PCCB: variants seen among roughly 807,000 people sequenced by gnomAD.
The protein encoded by PCCB is propionyl-CoA carboxylase subunit beta, also known as propionyl-CoA carboxylase beta chain, mitochondrial.
PCCB carries 43 observed loss-of-function variants against 60.7 expected under a neutral mutation model. The observed-to-expected ratio is 0.71, with a 90% CI of 0.55 to 0.91. The LOEUF is 0.91. Ranked by LOEUF, PCCB falls within the 40% of genes least tolerant of loss-of-function variation. The pLI is 0.00. For synonymous variants in PCCB, 276 were observed against 255.9 expected, an observed-to-expected ratio of 1.08 and a Z score of -0.75; for missense variants, 766 against 702.8, an observed-to-expected ratio of 1.09 and a Z score of -1.02.
intron 8 of PCCB, 44 bp from the exon 9 acceptor site, chr3:136,300,986 G>A (rs1934251181): frequency 6.9e-7 from 1 of 1,445,556 alleles, no homozygotes; most frequent in Non-Finnish European, 9.7e-7. Flanking sequence ...AAAGGTAACT[G>A]GCTCTTCCTA....
intron 14 of PCCB, among the ~76,000 whole-genome samples, chr3:136,329,535 A>G (rs191682525): frequency 6.6e-6 from 1 of 152,350 alleles, no homozygotes; most frequent in East Asian, 1.9e-4. Flanking sequence ...GAGAAGTGGT[A>G]AAGTCACATT....
chr3:136,269,551 G>A (rs1033162793), intron 5 of PCCB, among the ~76,000 whole-genome samples: 1 of 151,984 alleles, frequency 6.6e-6, no homozygotes, highest in African/African-American at 2.4e-5. Context: ...TAATTGCTCT[G>A]CTTAGAACCT....
At chr3:136,313,481 C>G (rs1040436768) in intron 9 of PCCB, among the ~76,000 whole-genome samples, 1 of 152,124 alleles carries the variant, frequency 6.6e-6, no homozygotes, top group Non-Finnish European at 1.5e-5. Context: ...GCAAGAGTGT[C>G]TGTACTGTTA....
chr3:136,254,518 C>CCTTT (rs1442788791), intron 1 of PCCB, among the ~76,000 whole-genome samples: 45 of 45,926 alleles, frequency 9.8e-4, no homozygotes, highest in South Asian at 1.3e-3. Context: ...CTGCGGCTAG[C>CCTTT]TTTTTTTTTT....
chr3:136,262,404 G>C (rs1941851430), intron 5 of PCCB, among the ~76,000 whole-genome samples: 1 of 152,208 alleles, frequency 6.6e-6, no homozygotes, highest in Admixed American at 6.5e-5. Context: ...GCTTGAATTA[G>C]AAGTTTTAAA....
At chr3:136,323,359 TCTC>T (rs1935176902) in intron 10 of PCCB, among the ~76,000 whole-genome samples, 4 of 152,352 alleles carry the variant, frequency 2.6e-5, no homozygotes, top group Admixed American at 2.6e-4. Context: ...CCTGCTCAAA[TCTC>T]CTATTGAATC....
chr3:136,296,432 G>C (rs79359877), intron 7 of PCCB, among the ~76,000 whole-genome samples: 12,979 of 152,216 alleles, frequency 0.085, 1,827 homozygotes, highest in African/African-American at 0.29. Flanking sequence ...GTTGTATCAT[G>C]AATCAGTACT....
intron 10 of PCCB, among the ~76,000 whole-genome samples, chr3:136,318,659 C>A (rs572883203): frequency 1.3e-5 from 2 of 152,234 alleles, no homozygotes; most frequent in African/African-American, 4.8e-5. Context: ...AGTGTTTGTC[C>A]TTTTATATCA....
rs184868319 is a variant in PCCB at position 136,268,688 on chromosome 3, A to G, written c.543+6623A>G. On this transcript the variant is annotated intron_variant, in intron 5 of 14. Transcript: ENST00000251654. The stretch of plus-strand genomic sequence containing the variant: ...CATGTTAGTCAGGCTGGTCTTGAAC[A>G]CCTGATCTCAGGTGATCCACCCGCC... 5.3e-5 allele frequency among the ~76,000 whole-genome samples: 8 copies of G among 151,892 alleles called. No individual in the cohort carries two copies. In the East Asian group the frequency reaches 1.2e-3, roughly 22 times the overall value.
At chr3:136,268,087 G>GATATATATGT (rs1942066031) in intron 5 of PCCB, among the ~76,000 whole-genome samples, 1 of 93,800 alleles carries the variant, frequency 1.1e-5, no homozygotes, top group East Asian at 2.9e-4. Flanking sequence ...TGTGTGTGTA[G>GATATATATGT]ATATATATAT....
At chr3:136,266,683 T>A (rs533350451) in intron 5 of PCCB, among the ~76,000 whole-genome samples, 1 of 152,346 alleles carries the variant, frequency 6.6e-6, no homozygotes, top group South Asian at 2.1e-4. Context: ...TTGAGCATCT[T>A]TATGTACATA....
chr3:136,301,191 A>G lies in PCCB; in HGVS notation c.966+80A>G, dbSNP rs543950533. The G allele has an allele frequency of 4.5e-5, 51 of 1,126,334 alleles. No homozygotes were observed. In the Middle Eastern group the frequency reaches 5.9e-4, roughly 13 times the overall value. 69.8% of individuals were successfully genotyped at this position (1,126,334 alleles called of 1,614,324 possible). On this transcript the variant is annotated intron_variant, in intron 9 of 14. Transcript: ENST00000251654. ...TTGTGCTTCGGCTTAGTGAGGAAGC[A>G]CTGGACCACTTGGCCTCCATGTCAG... is the stretch of plus-strand genomic sequence containing the variant.
At chr3:136,293,661 C>T (rs1933802220) in intron 6 of PCCB, 95 bp from the exon 7 acceptor site, 1 of 827,400 alleles carries the variant, frequency 1.2e-6, no homozygotes, top group Non-Finnish European at 2.1e-6. Context: ...ACGTCACTAT[C>T]TTCTCTGCAT....
chr3:136,253,411 G>T (rs1559993823), intron 1 of PCCB, among the ~76,000 whole-genome samples: 1 of 151,612 alleles, frequency 6.6e-6, no homozygotes, highest in Non-Finnish European at 1.5e-5. Context: ...TTAAGACAGG[G>T]TCTCACCTTG....
chr3:136,294,191 T>C (rs1390659569), intron 7 of PCCB, among the ~76,000 whole-genome samples: 1 of 150,316 alleles, frequency 6.7e-6, no homozygotes, highest in Non-Finnish European at 1.5e-5. Flanking sequence ...AAAAATTTTA[T>C]CTTATTGTGA....
chr3:136,285,043 G>A (rs763996149), intron 6 of PCCB, among the ~76,000 whole-genome samples: 21 of 148,838 alleles, frequency 1.4e-4, no homozygotes, highest in Non-Finnish European at 2.7e-4. Context: ...AGCCAAGATC[G>A]TGCCACTGCA....
intron 10 of PCCB, among the ~76,000 whole-genome samples, chr3:136,321,918 G>A (rs1456414455): frequency 6.6e-6 from 1 of 152,102 alleles, no homozygotes; most frequent in African/African-American, 2.4e-5. Flanking sequence ...GGACAATTTT[G>A]TCATCTGTGA....
At chr3:136,299,846 A>ATG (rs1934163198) in intron 8 of PCCB, among the ~76,000 whole-genome samples, 1 of 151,580 alleles carries the variant, frequency 6.6e-6, no homozygotes, top group Non-Finnish European at 1.5e-5. Flanking sequence ...ATGTGTATGT[A>ATG]TATGCATGCA....
chr3:136,307,383 GA>G (rs558139695), intron 9 of PCCB, among the ~76,000 whole-genome samples: 3 of 151,896 alleles, frequency 2.0e-5, no homozygotes, highest in African/African-American at 7.3e-5. Flanking sequence ...TTTAGTTTCA[GA>G]AAAAAATGCA....
Sources: gnomAD v4.1 joint callset for allele counts (sites outside exome capture counted in the v4.1 genomes callset) on GRCh38, gnomAD v4.1.1 for gene constraint, MANE v1.5 for transcripts, NCBI Gene and HGNC (gene_info 2026-07-23, HGNC 2026-07-21) for gene names.